The following LAMA2 variants were observed in gnomAD, a reference collection of about 807,000 sequenced individuals.
The protein encoded by LAMA2 is laminin subunit alpha 2.
In LAMA2, 269 loss-of-function variants were observed where a neutral mutation model predicts 364.8. The observed-to-expected ratio is 0.74, with a 90% CI of 0.67 to 0.82. The LOEUF (loss-of-function observed/expected upper bound fraction) is 0.82, where lower values mean the gene tolerates loss of function less well. LAMA2 is among the 40% of genes least tolerant of loss of function. LAMA2 has a pLI of 0.00. For synonymous variants in LAMA2, 1,379 were observed against 1,370.6 expected (o/e 1.01, Z -0.14); for missense variants, 3,807 against 3,873.2 (o/e 0.98, Z 0.45).
At chr6:128,936,520 G>A (rs549012715) in intron 1 of LAMA2, among the ~76,000 whole-genome samples, 2 of 152,240 alleles carry the variant, frequency 1.3e-5, no homozygotes, top group African/African-American at 4.8e-5. Flanking sequence ...CCCAGAGTAT[G>A]TCTGAAACTG....
intron 22 of LAMA2, among the ~76,000 whole-genome samples, chr6:129,301,764 G>A (rs1158517795): frequency 6.6e-6 from 1 of 152,062 alleles, no homozygotes; most frequent in Non-Finnish European, 1.5e-5. Flanking sequence ...GATTACAGTG[G>A]TGTAATCATC....
rs535667068 is a variant in LAMA2 at position 129,157,499 on chromosome 6, G to C, written c.1206+2816G>C. The stretch of plus-strand genomic sequence containing the variant: ...GTAAAAACAGTTCTTGCAGTCTAGA[G>C]TTTCTCCTCCGATGGTTTAACCGTC... On this transcript the variant is annotated intron_variant, in intron 8 of 64. Transcript: ENST00000421865. 109 of 1,610,630 alleles carry C rather than the reference G, an allele frequency of 6.8e-5. No homozygotes were observed. In the South Asian group the frequency reaches 1.2e-3, roughly 17 times the overall value.
chr6:129,473,288 G>A lies in LAMA2; in HGVS notation c.7375G>A (p.Gly2459Ser), dbSNP rs977127618. 2.5e-6 allele frequency: 4 copies of A among 1,612,048 alleles called. No homozygotes were observed. Among genetic ancestry groups the A allele is most frequent in the Non-Finnish European group, 3.4e-6 (4 of 1,178,580 alleles). ...IATSSSGNNF[G>S]LDLKADDKIY... is the part of the protein sequence containing the mutation. ...AACTTCGTCTTCTGGAAACAACTTT[G>A]GTCTTGACTTGAAAGCAGATGACAA... Residue 2459 changes from glycine (G) to serine (S), a missense_variant, in exon 52 of 65, where the codon GGT becomes AGT. Physicochemically the swap from Gly to Ser is moderately conservative, Grantham distance 56. Coordinates refer to ENST00000421865, the MANE Select transcript of LAMA2 (RefSeq NM_000426.4).
Position 129,401,284 on chromosome 6 carries a change from A to T in LAMA2, c.5506A>T (p.Asn1836Tyr). The change falls in exon 38 of 65, where the codon AAT (asparagine) becomes TAT (tyrosine). Residue 1836 changes from asparagine to tyrosine, a missense_variant. This residue lies in a region of LAMA2 where 3,333 missense variants were observed against 3,345.7 expected (regional missense o/e 1.00). Transcript: ENST00000421865. ...AATTGAGAACACTTTAAAAGAGGGC[A>T]ATGACATACTCGATGAAGCCAACCG... ...RQIENTLKEG[N>Y]DILDEANRLA... 1 of 1,613,114 alleles carries T rather than the reference A, an allele frequency of 6.2e-7. No individual in the cohort carries two copies. Among genetic ancestry groups the T allele is most frequent in the East Asian group, 2.2e-5 (1 of 44,862 alleles).
intron 35 of LAMA2, among the ~76,000 whole-genome samples, chr6:129,390,775 A>G (rs970667857): frequency 2.6e-5 from 4 of 152,184 alleles, no homozygotes; most frequent in Non-Finnish European, 5.9e-5. Context: ...ACATCAGCCT[A>G]TAAAGCAGAC....
chr6:128,937,313 G>A (rs1444718643), intron 1 of LAMA2, among the ~76,000 whole-genome samples: 2 of 151,982 alleles, frequency 1.3e-5, no homozygotes, highest in Non-Finnish European at 2.9e-5. Context: ...AGAGATATTG[G>A]CCTGTAATTT....
At chr6:129,203,221 C>G (rs1489223120) in intron 12 of LAMA2, among the ~76,000 whole-genome samples, 1 of 152,230 alleles carries the variant, frequency 6.6e-6, no homozygotes, top group Non-Finnish European at 1.5e-5. Flanking sequence ...TCAATAAACT[C>G]TCAATGTAAA....
In LAMA2 at chr6:128,883,195, G is replaced by C. The variant is rs760133406; in HGVS notation, c.-51G>C. On this transcript the variant is annotated 5_prime_UTR_variant, in exon 1 of 65. Coordinates refer to ENST00000421865, the MANE Select transcript of LAMA2 (RefSeq NM_000426.4). ...ACAAGCCAAGGCCAGGGGACAGGGC[G>C]GCAGCGACTCCTCTGGCTCCCGAGA... is the stretch of plus-strand genomic sequence containing the variant. The C allele has an allele frequency of 6.6e-7, 1 of 1,521,396 alleles. No homozygotes were observed. The highest frequency in any genetic ancestry group is 1.4e-5 in the African/African-American group (1 of 72,638). The allele number at this position is 1,521,396 out of a possible 1,614,324, so 94.2% of individuals were successfully genotyped here.
At chr6:129,143,181 T>A (rs1451879756) in intron 4 of LAMA2, among the ~76,000 whole-genome samples, 1 of 152,016 alleles carries the variant, frequency 6.6e-6, no homozygotes, top group African/African-American at 2.4e-5. Context: ...TGAATTTTAT[T>A]TCTCTTGATG....
chr6:129,483,673 G>A (rs1276467949), intron 55 of LAMA2, among the ~76,000 whole-genome samples: 1 of 152,166 alleles, frequency 6.6e-6, no homozygotes, highest in Non-Finnish European at 1.5e-5. Flanking sequence ...TCCTAGAATA[G>A]AAGAATAGCG....
chr6:129,498,478 A>C (rs1785368457), intron 58 of LAMA2, among the ~76,000 whole-genome samples: 1 of 152,224 alleles, frequency 6.6e-6, no homozygotes, highest in South Asian at 2.1e-4. Context: ...GTAAATGCCC[A>C]AGACCCACCA....
intron 1 of LAMA2, among the ~76,000 whole-genome samples, chr6:128,980,646 C>T (rs759458419): frequency 3.3e-5 from 5 of 152,054 alleles, no homozygotes; most frequent in African/African-American, 1.2e-4. Flanking sequence ...TCCATGGTGT[C>T]AGAGAGATAA....
chr6:129,018,018 A>G (rs780992868), intron 1 of LAMA2, among the ~76,000 whole-genome samples: 1 of 151,540 alleles, frequency 6.6e-6, no homozygotes, highest in East Asian at 1.9e-4. Flanking sequence ...GATTTGAAAC[A>G]TTTTAGGGAT....
intron 12 of LAMA2, among the ~76,000 whole-genome samples, chr6:129,209,853 A>T (rs1324164971): frequency 1.3e-5 from 2 of 151,850 alleles, no homozygotes; most frequent in African/African-American, 4.8e-5. Flanking sequence ...TATACATAAA[A>T]ATTAGCCAGG....
intron 62 of LAMA2, among the ~76,000 whole-genome samples, chr6:129,508,125 G>T (rs562241564): frequency 6.6e-6 from 1 of 152,244 alleles, no homozygotes; most frequent in Admixed American, 6.5e-5. Flanking sequence ...TCTCCACTCC[G>T]TTTCTAATGA....
intron 27 of LAMA2, among the ~76,000 whole-genome samples, chr6:129,319,719 A>G (rs1215851809): frequency 2.0e-5 from 3 of 152,212 alleles, no homozygotes; most frequent in African/African-American, 7.2e-5. Context: ...CTTAACTACT[A>G]ATAGCCTCCT....
At position 128,952,547 on chromosome 6, in the gene LAMA2, A is replaced by G. The variant is rs529758558; in HGVS notation, c.112+69190A>G. Reference sequence around the variant, plus strand: ...TGAATTCAAAAAAAATTAAAGCTTGATTGTTCAGAAAGCAATTTCATCTAT... The same window carrying G: ...TGAATTCAAAAAAAATTAAAGCTTGGTTGTTCAGAAAGCAATTTCATCTAT... On this transcript the variant is annotated intron_variant, in intron 1 of 64. Coordinates refer to ENST00000421865, the MANE Select transcript of LAMA2 (RefSeq NM_000426.4). Among the ~76,000 whole-genome samples the G allele has an allele frequency of 3.8e-3, 581 of 152,272 alleles. 4 individuals carry two copies. Among genetic ancestry groups the G allele is most frequent in the African/African-American group, 0.013 (559 of 41,558 alleles).
At chr6:129,029,671 A>G (rs1050109986) in intron 1 of LAMA2, among the ~76,000 whole-genome samples, 2 of 152,036 alleles carry the variant, frequency 1.3e-5, no homozygotes, top group African/African-American at 4.8e-5. Context: ...ACTGGAAAAA[A>G]ACAGATATGC....
intron 7 of LAMA2, 62 bp downstream of exon 7, chr6:129,149,158 A>T: frequency 9.5e-7 from 1 of 1,057,964 alleles, no homozygotes; most frequent in Non-Finnish European, 1.5e-6. Flanking sequence ...AAAGCCAGTA[A>T]TGAAAAATAG....
Sources: gnomAD v4.1 joint callset for allele counts (sites outside exome capture counted in the v4.1 genomes callset) on GRCh38, gnomAD v4.1.1 for gene constraint, gnomAD v4.1.1 regional missense constraint, MANE v1.5 for transcripts, NCBI Gene and HGNC (gene_info 2026-07-23, HGNC 2026-07-21) for gene names.